Variants in DLG2 observed in about 807,000 individuals in gnomAD.
The protein encoded by DLG2 is disks large homolog 2.
DLG2 carries 45 observed loss-of-function variants against 132.5 expected under a neutral mutation model. The observed-to-expected ratio is 0.34, with a 90% CI of 0.27 to 0.44. The LOEUF (loss-of-function observed/expected upper bound fraction) is 0.44. DLG2 is among the 20% of genes least tolerant of loss of function. The pLI, the probability that DLG2 is intolerant of heterozygous loss-of-function variation, is 1.00. For missense variants in DLG2, 1,045 were observed against 1,196.9 expected (o/e 0.87, Z 1.87); for synonymous variants, 424 against 419.6 (o/e 1.01, Z -0.13).
intron 18 of DLG2, chr11:83,647,437 G>A (rs1486712542): frequency 6.6e-6 from 1 of 152,102 alleles, no homozygotes; most frequent in Non-Finnish European, 1.5e-5. Flanking sequence ...TGATTGGCAG[G>A]TCGAAGAGAG....
intron 10 of DLG2, 115 bp from the exon 11 acceptor site, chr11:84,059,599 A>T (rs905455715): frequency 7.1e-6 from 6 of 844,036 alleles, no homozygotes; most frequent in African/African-American, 3.5e-5. Flanking sequence ...AAAAAATTTT[A>T]AAATATTTAA....
intron 8 of DLG2, among the ~76,000 whole-genome samples, chr11:84,211,244 T>G (rs1016728699): frequency 1.3e-5 from 2 of 152,160 alleles, no homozygotes; most frequent in African/African-American, 4.8e-5. Flanking sequence ...GCTGTATTCC[T>G]CTCTTATGGC....
At chr11:84,154,919 C>T (rs1233109312) in intron 9 of DLG2, among the ~76,000 whole-genome samples, 10 of 152,062 alleles carry the variant, frequency 6.6e-5, no homozygotes, top group African/African-American at 2.4e-4. Context: ...CAAATGGTAT[C>T]TAATTAAACT....
chr11:85,409,906 C>A (rs1848766), intron 3 of DLG2, among the ~76,000 whole-genome samples: 1 of 151,670 alleles, frequency 6.6e-6, no homozygotes, highest in Admixed American at 6.6e-5. Flanking sequence ...CTCAGTTCAA[C>A]GCATATTAAA....
At position 83,926,262 on chromosome 11, in the gene DLG2, C is replaced by A. The variant is rs76499874; in HGVS notation, c.1496+4066G>T. On this transcript the variant is annotated intron_variant, in intron 15 of 27. Transcript: ENST00000376104. Reference sequence around the variant, plus strand: ...GACTCAGGTTGCTTTTGCTGACTAACCTTTATTCTTCTAAATGTGGATTAG... The same window carrying A: ...GACTCAGGTTGCTTTTGCTGACTAAACTTTATTCTTCTAAATGTGGATTAG... Among the ~76,000 whole-genome samples, 496 of 152,268 alleles carry A rather than the reference C, an allele frequency of 3.3e-3. 4 individuals carry two copies. Among genetic ancestry groups the A allele is most frequent in the African/African-American group, 0.012 (480 of 41,560 alleles).
chr11:85,545,965 T>G (rs1201907071), intron 3 of DLG2, among the ~76,000 whole-genome samples: 1 of 152,164 alleles, frequency 6.6e-6, no homozygotes, highest in African/African-American at 2.4e-5. Context: ...TGATTTTATG[T>G]AGGGTTTTTT....
At chr11:83,977,936 T>C (rs1592221133) in intron 12 of DLG2, among the ~76,000 whole-genome samples, 1 of 152,174 alleles carries the variant, frequency 6.6e-6, no homozygotes, top group African/African-American at 2.4e-5. Context: ...AGTGATGATA[T>C]ACTGAAAGAA....
At chr11:84,780,430 T>C (rs1489031783) in intron 6 of DLG2, among the ~76,000 whole-genome samples, 1 of 152,076 alleles carries the variant, frequency 6.6e-6, no homozygotes. Context: ...TCACACTGAA[T>C]AGGAAAAAGT....
At chr11:85,207,859 A>C (rs989623796) in intron 4 of DLG2, among the ~76,000 whole-genome samples, 10 of 151,572 alleles carry the variant, frequency 6.6e-5, no homozygotes, top group African/African-American at 1.9e-4. Flanking sequence ...TAACATAACT[A>C]TTCCTTCTGC....
intron 15 of DLG2, among the ~76,000 whole-genome samples, chr11:83,888,630 C>T (rs2068694396): frequency 6.6e-6 from 1 of 152,084 alleles, no homozygotes; most frequent in African/African-American, 2.4e-5. Context: ...AAAAAAGAGC[C>T]CTCATCACCA....
At chr11:83,485,719 G>A (rs1338232977) in intron 21 of DLG2, among the ~76,000 whole-genome samples, 1 of 152,178 alleles carries the variant, frequency 6.6e-6, no homozygotes, top group Admixed American at 6.5e-5. Context: ...TGCCCTTATG[G>A]ATTTGAAGCT....
chr11:84,538,691 A>G (rs978423497), intron 6 of DLG2, among the ~76,000 whole-genome samples: 2 of 151,844 alleles, frequency 1.3e-5, no homozygotes, highest in South Asian at 4.1e-4. Context: ...TAAGACTTGG[A>G]TGAAGCTTGG....
At chr11:85,245,509 C>T (rs1376526273) in intron 4 of DLG2, among the ~76,000 whole-genome samples, 1 of 151,978 alleles carries the variant, frequency 6.6e-6, no homozygotes, top group East Asian at 1.9e-4. Flanking sequence ...ATCACTACCA[C>T]CCTGGTCTGA....
At chr11:85,076,643 C>T (rs188898177) in intron 6 of DLG2, among the ~76,000 whole-genome samples, 1 of 152,124 alleles carries the variant, frequency 6.6e-6, no homozygotes, top group Admixed American at 6.6e-5. Flanking sequence ...TACTCTGGCA[C>T]ACTCAGCTAA....
intron 3 of DLG2, among the ~76,000 whole-genome samples, chr11:85,296,937 TGTA>T (rs1406867930): frequency 2.0e-5 from 3 of 150,220 alleles, no homozygotes; most frequent in African/African-American, 7.3e-5. Context: ...TATAATTTAT[TGTA>T]GTGTACAAAT....
At chr11:84,598,258 T>C (rs1446585330) in intron 6 of DLG2, among the ~76,000 whole-genome samples, 5 of 152,180 alleles carry the variant, frequency 3.3e-5, no homozygotes, top group African/African-American at 1.2e-4. Context: ...AGGATCTAGG[T>C]GTAGATTACA....
intron 10 of DLG2, among the ~76,000 whole-genome samples, chr11:84,069,920 C>T (rs138198741): frequency 1.7e-3 from 256 of 152,324 alleles, no homozygotes; most frequent in Non-Finnish European, 2.7e-3. Context: ...CAGTTCAATA[C>T]TGTGTCCACT....
At chr11:83,514,844 G>A (rs150604620) in intron 21 of DLG2, among the ~76,000 whole-genome samples, 2,553 of 152,242 alleles carry the variant, frequency 0.017, 34 homozygotes, top group African/African-American at 0.044. Flanking sequence ...ATTGATTTGC[G>A]TATGTTGAAC....
intron 3 of DLG2, among the ~76,000 whole-genome samples, chr11:85,373,505 G>A (rs1302319988): frequency 6.6e-6 from 1 of 152,148 alleles, no homozygotes; most frequent in Non-Finnish European, 1.5e-5. Context: ...TTGGAGGCAG[G>A]AATGAGATAG....
Sources: gnomAD v4.1 joint callset for allele counts (sites outside exome capture counted in the v4.1 genomes callset) on GRCh38, gnomAD v4.1.1 for gene constraint, MANE v1.5 for transcripts, NCBI Gene and HGNC (gene_info 2026-07-23, HGNC 2026-07-21) for gene names.